Variants in MAPKBP1 observed in about 807,000 individuals in gnomAD.
MAPKBP1 encodes mitogen-activated protein kinase-binding protein 1.
In MAPKBP1, 71 loss-of-function variants were observed where a neutral mutation model predicts 170.5. The ratio of observed to expected loss-of-function variants is 0.42; its 90% CI spans 0.34 to 0.51. The LOEUF is 0.51. Among genes scored for constraint, MAPKBP1 ranks in the 20% least tolerant of loss-of-function variants. MAPKBP1 has a pLI of 0.06. For missense variants in MAPKBP1, 1,598 were observed against 1,933.0 expected, an observed-to-expected ratio of 0.83 and a Z score of 3.25; for synonymous variants, 719 against 757.9, an observed-to-expected ratio of 0.95 and a Z score of 0.84.
intron 2 of MAPKBP1, among the ~76,000 whole-genome samples, chr15:41,791,322 C>G (rs1375251456): frequency 6.6e-6 from 1 of 152,200 alleles, no homozygotes; most frequent in Non-Finnish European, 1.5e-5. Context: ...CTAGGGGACC[C>G]TGGCCTTTTG....
At chr15:41,777,078 C>T (rs893142039) in intron 2 of MAPKBP1, among the ~76,000 whole-genome samples, 2 of 152,066 alleles carry the variant, frequency 1.3e-5, no homozygotes, top group African/African-American at 4.8e-5. Context: ...CATGGTGGCT[C>T]ACCCCTGTAA....
chr15:41,796,610 C>T (rs1034768367), intron 2 of MAPKBP1, among the ~76,000 whole-genome samples: 24 of 152,264 alleles, frequency 1.6e-4, no homozygotes, highest in African/African-American at 5.8e-4. Context: ...GCTTTTCCCC[C>T]CCCTTGGATA....
At chr15:41,815,544 T>C in intron 11 of MAPKBP1, 80 bp from the exon 12 acceptor site, 1 of 1,555,406 alleles carries the variant, frequency 6.4e-7, no homozygotes, top group Non-Finnish European at 8.7e-7. Context: ...TCCAAGGGTT[T>C]GTTTTGCTCA....
At chr15:41,808,498 A>G (rs1410204349) in intron 3 of MAPKBP1, among the ~76,000 whole-genome samples, 2 of 146,934 alleles carry the variant, frequency 1.4e-5, no homozygotes, top group African/African-American at 5.0e-5. Context: ...TTTTTGAGAC[A>G]GAGTCTAGTT....
chr15:41,823,907 C>T lies in MAPKBP1; in HGVS notation c.4059C>T (p.Cys1353=). Residue 1353 remains cysteine (C), a synonymous_variant, in exon 29 of 31, where the codon TGC becomes TGT. Coordinates refer to ENST00000457542, the MANE Select transcript of MAPKBP1 (RefSeq NM_014994.3). ...CCACTCCCAAGCCTAGGACAGAGTG[C>T]CAGGCTCATCCTGGGCCCAGCAGCC... ...EGTTPKPRTE[C]QAHPGPSSPC... The T allele has an allele frequency of 6.2e-7, 1 of 1,614,148 alleles. No homozygotes were observed. Among genetic ancestry groups the T allele is most frequent in the Non-Finnish European group, 8.5e-7 (1 of 1,180,026 alleles).
intron 2 of MAPKBP1, among the ~76,000 whole-genome samples, chr15:41,782,938 C>T (rs2064216448): frequency 6.6e-6 from 1 of 152,200 alleles, no homozygotes; most frequent in East Asian, 1.9e-4. Flanking sequence ...CTCCTCTTCC[C>T]ACCTCCAGCT....
Position 41,818,044 on chromosome 15 carries a change from T to C in MAPKBP1, c.1940T>C (p.Leu647Pro), listed in dbSNP as rs758351066. The change falls in exon 17 of 31, where the codon CTG becomes CCG. Residue 647 changes from leucine to proline, a missense_variant. Transcript: ENST00000457542. The surrounding 1 kb of genome is among the most constrained non-coding windows in gnomAD (Gnocchi z 5.2). ...ATCAGCAGTGGAAAGCAGAAGAAGC[T>C]GTTTAAAGGGTCACAGGGTGAGGAC... is the stretch of plus-strand genomic sequence containing the variant. ...FNISSGKQKK[L>P]FKGSQGEDGT... 6.2e-7 allele frequency: 1 copy of C among 1,614,118 alleles called. No individual in the cohort carries two copies. Among genetic ancestry groups the C allele is most frequent in the Non-Finnish European group, 8.5e-7 (1 of 1,179,990 alleles).
At chr15:41,783,182 G>T (rs2064220613) in intron 2 of MAPKBP1, among the ~76,000 whole-genome samples, 1 of 152,182 alleles carries the variant, frequency 6.6e-6, no homozygotes, top group Non-Finnish European at 1.5e-5. Flanking sequence ...AAACTGTTGT[G>T]CTCTTTGTTG....
chr15:41,791,876 A>C (rs2064402117), intron 2 of MAPKBP1, among the ~76,000 whole-genome samples: 1 of 151,934 alleles, frequency 6.6e-6, no homozygotes, highest in Non-Finnish European at 1.5e-5. Context: ...ACCAACATGG[A>C]GAAACCCCGT....
chr15:41,819,547 C>CGGGGGG lies in MAPKBP1; in HGVS notation c.2426-43_2426-38dup, dbSNP rs3034893. The CGGGGGG allele has an allele frequency of 2.3e-3, 2,828 of 1,225,660 alleles. 3 individuals carry two copies. Among genetic ancestry groups the CGGGGGG allele is most frequent in the Middle Eastern group, 3.1e-3 (13 of 4,242 alleles). The allele number at this position is 1,225,660 out of a possible 1,614,324, so 75.9% of individuals were successfully genotyped here. ...GGGCCAGGGCTCCAGGGTTGGGTGG[C>CGGGGGG]GGGGGGGGGGCAGGAGACACTTCCT... On this transcript the variant is annotated intron_variant, in intron 21 of 30. Transcript: ENST00000457542.
Position 41,817,836 on chromosome 15 carries a change from T to G in MAPKBP1, c.1904+101T>G. The G allele has an allele frequency of 6.4e-7, 1 of 1,573,172 alleles. No homozygotes were observed. Among genetic ancestry groups the G allele is most frequent in the African/African-American group, 1.3e-5 (1 of 74,308 alleles). On this transcript the variant is annotated intron_variant, in intron 16 of 30. Transcript: ENST00000457542. This position sits in a 1 kb window ranked among gnomAD's most constrained non-coding sequence, Gnocchi z 4.2. ...CACATCTGTCGTTCTGTACAGGACTTTGTACCCCCTTGAGCCTACAGTACT... is the reference window on the plus strand; with the variant it reads ...CACATCTGTCGTTCTGTACAGGACTGTGTACCCCCTTGAGCCTACAGTACT...
At chr15:41,804,787 G>A (rs1305781271) in intron 3 of MAPKBP1, among the ~76,000 whole-genome samples, 1 of 152,230 alleles carries the variant, frequency 6.6e-6, no homozygotes, top group Non-Finnish European at 1.5e-5. Flanking sequence ...CCATCCCTGG[G>A]CAGTGCCCCT....
At chr15:41,780,905 A>T (rs561279581) in intron 2 of MAPKBP1, among the ~76,000 whole-genome samples, 1 of 152,100 alleles carries the variant, frequency 6.6e-6, no homozygotes, top group African/African-American at 2.4e-5. Flanking sequence ...CAGTTATAGC[A>T]ACAGGTCCAG....
chr15:41,824,118 T>C, intron 29 of MAPKBP1, 57 bp downstream of exon 29: 1 of 1,534,406 alleles, frequency 6.5e-7, no homozygotes, highest in Non-Finnish European at 8.7e-7. Context: ...CCCCTCTCTG[T>C]TGGCCGCTGT....
intron 2 of MAPKBP1, among the ~76,000 whole-genome samples, chr15:41,796,076 G>A (rs2064483265): frequency 6.6e-6 from 1 of 152,200 alleles, no homozygotes; most frequent in South Asian, 2.1e-4. Context: ...CTCTCTGAGA[G>A]GGGAACAAAC....
intron 1 of MAPKBP1, chr15:41,774,833 G>A (rs2064069254): frequency 2.5e-6 from 1 of 401,444 alleles, no homozygotes; most frequent in South Asian, 1.3e-4. Context: ...AATCCCTGGT[G>A]GTCTCGGCGG....
chr15:41,821,977 G>A lies in MAPKBP1; in HGVS notation c.2898G>A (p.Val966=). The A allele has an allele frequency of 1.2e-6, 2 of 1,610,962 alleles. No individual in the cohort carries two copies. The highest frequency in any genetic ancestry group is 1.7e-6 in the Non-Finnish European group (2 of 1,178,684). The change falls in exon 25 of 31, where the codon GTG becomes GTA. Residue 966 remains valine (V), a synonymous_variant. Coordinates refer to ENST00000457542, the MANE Select transcript of MAPKBP1 (RefSeq NM_014994.3). ...NPTMDTSEFQ[V]QAPARGTLGR... is the part of the protein sequence containing the mutation. ...GGAATCCTGACAGTGAGTTCCAAGT[G>A]CAGGCTCCAGCCCGGGGAACTCTGG...
Position 41,817,282 on chromosome 15 carries a change from G to T in MAPKBP1, c.1712-106G>T. ...AGGTTTAATTTAGTTGGTTTTCCCT[G>T]GCATGTAGAGTAGCTTGATGGGGGA... On this transcript the variant is annotated intron_variant, in intron 14 of 30. Transcript: ENST00000457542. The surrounding 1 kb of genome is among the most constrained non-coding windows in gnomAD (Gnocchi z 4.2). 2 of 1,321,632 alleles carry T rather than the reference G, an allele frequency of 1.5e-6. No individual in the cohort carries two copies. Among genetic ancestry groups the T allele is most frequent in the South Asian group, 1.2e-5 (1 of 82,292 alleles). The allele number at this position is 1,321,632 out of a possible 1,614,324, so 81.9% of individuals were successfully genotyped here.
chr15:41,792,010 G>A (rs774954165), intron 2 of MAPKBP1, among the ~76,000 whole-genome samples: 4 of 150,966 alleles, frequency 2.6e-5, no homozygotes, highest in South Asian at 2.1e-4. Context: ...AGCCGAGATC[G>A]TGCCATTGCA....
Sources: gnomAD v4.1 joint callset for allele counts (sites outside exome capture counted in the v4.1 genomes callset) on GRCh38, gnomAD v4.1.1 for gene constraint, Gnocchi (gnomAD v3.1) non-coding constraint, MANE v1.5 for transcripts, NCBI Gene and HGNC (gene_info 2026-07-23, HGNC 2026-07-21) for gene names.